UNC79: variants seen among roughly 807,000 people sequenced by gnomAD.
UNC79 encodes unc-79 subunit of NALCN channel complex, also known as protein unc-79 homolog.
Under a neutral mutation model 283.1 loss-of-function variants are expected in UNC79, and 37 were observed. The observed-to-expected ratio is 0.13, with a 90% confidence interval of 0.10 to 0.17. UNC79 has a LOEUF of 0.17. UNC79 is among the 10% of genes least tolerant of loss of function. The pLI, the probability that UNC79 is intolerant of heterozygous loss-of-function variation, is 1.00. For synonymous variants in UNC79, 1,107 were observed against 1,200.2 expected (o/e 0.92, Z 1.61); for missense variants, 2,272 against 3,211.1 (o/e 0.71, Z 7.07).
At chr14:93,349,767 A>G (rs999037166) in intron 1 of UNC79, among the ~76,000 whole-genome samples, 1 of 152,238 alleles carries the variant, frequency 6.6e-6, no homozygotes, top group Non-Finnish European at 1.5e-5. Context: ...CAATAAAAAC[A>G]GCTGAGGCTT....
Position 93,402,397 on chromosome 14 carries a change from CTAAAG to C in UNC79, c.-350-65271_-350-65267del, listed in dbSNP as rs893175301. On this transcript the variant is annotated intron_variant, in intron 1 of 49. Transcript: ENST00000256339. ...AAACAAACTGTCAAAAACCCTAAAA[CTAAAG>C]TATATTTGGTATTGAATGAAGGAAT... Among the ~76,000 whole-genome samples, 147 of 143,982 alleles carry C rather than the reference CTAAAG, an allele frequency of 1.0e-3. 1 individual carries two copies. The highest frequency in any genetic ancestry group is 3.5e-3 in the African/African-American group (138 of 39,004). 94.5% of individuals were successfully genotyped at this position (143,982 alleles called of 152,430 possible). A position where few individuals can be genotyped will look rare whatever the true frequency, so the allele number is the denominator to read the frequency against.
chr14:93,686,770 C>A, intron 43 of UNC79, 109 bp downstream of exon 46: 3 of 1,223,838 alleles, frequency 2.5e-6, no homozygotes, highest in Admixed American at 2.0e-5. Context: ...GCAGCCGTGG[C>A]ACTGTTGAAT....
At chr14:93,662,405 G>C (rs2071693611) in intron 39 of UNC79, among the ~76,000 whole-genome samples, 199 bp from the exon 43 acceptor site, 1 of 152,072 alleles carries the variant, frequency 6.6e-6, no homozygotes, top group South Asian at 2.1e-4. Flanking sequence ...AAATGATTTG[G>C]TCCTGCTCTT....
At chr14:93,352,647 T>G (rs2054000780) in intron 1 of UNC79, among the ~76,000 whole-genome samples, 1 of 152,236 alleles carries the variant, frequency 6.6e-6, no homozygotes, top group Non-Finnish European at 1.5e-5. Flanking sequence ...TAATGAATAC[T>G]GAACTCCTAG....
chr14:93,462,210 G>A (rs1172175986), intron 1 of UNC79, among the ~76,000 whole-genome samples: 1 of 152,202 alleles, frequency 6.6e-6, no homozygotes, highest in Non-Finnish European at 1.5e-5. Context: ...CAGGGCTCAG[G>A]CAGGAGAATC....
At chr14:93,333,947 C>G (rs1352379310) in intron 1 of UNC79, among the ~76,000 whole-genome samples, 1 of 151,136 alleles carries the variant, frequency 6.6e-6, no homozygotes. Flanking sequence ...GAGGAGGCAC[C>G]GTTACACCTC....
Position 93,640,714 on chromosome 14 carries a change from C to G in UNC79, c.5801-431C>G, listed in dbSNP as rs140032166. On this transcript the variant is annotated intron_variant, in intron 32 of 48. Transcript: ENST00000555664. ...GGAGTTCTGGGATCTTACCACCTTCCCATATTAGCAAAACTGTAATGTTGA... is the reference window on the plus strand; with the variant it reads ...GGAGTTCTGGGATCTTACCACCTTCGCATATTAGCAAAACTGTAATGTTGA... 2.6e-3 allele frequency among the ~76,000 whole-genome samples: 399 copies of G among 152,286 alleles called. 1 individual carries two copies. The highest frequency in any genetic ancestry group is 9.2e-3 in the African/African-American group (381 of 41,558).
chr14:93,663,044 T>A (rs1236631058), intron 40 of UNC79, among the ~76,000 whole-genome samples: 1 of 152,174 alleles, frequency 6.6e-6, no homozygotes, highest in African/African-American at 2.4e-5. Context: ...AAGTTCATCA[T>A]CCCATGATTA....
intron 7 of UNC79, among the ~76,000 whole-genome samples, chr14:93,515,573 T>G (rs1435600567): frequency 6.6e-6 from 1 of 152,148 alleles, no homozygotes; most frequent in African/African-American, 2.4e-5. Flanking sequence ...TGAAAGGGTA[T>G]AATTCTTAGG....
In UNC79 at chr14:93,549,514, A is replaced by C. The variant is rs115812456; in HGVS notation, c.1755+6818A>C. 4.7e-3 allele frequency among the ~76,000 whole-genome samples: 716 copies of C among 152,350 alleles called. 5 individuals carry two copies. Among genetic ancestry groups the C allele is most frequent in the African/African-American group, 0.016 (679 of 41,586 alleles). On this transcript the variant is annotated intron_variant, in intron 14 of 48. Coordinates refer to ENST00000555664, the Ensembl canonical transcript of UNC79. ...ACGTACACCTGAAAGCATTTGGGTT[A>C]GTTCCTATATTTCTGAGAGTTTTAG...
At chr14:93,597,414 C>G in exon 24 of UNC79, 1 of 1,614,194 alleles carries the variant, frequency 6.2e-7, no homozygotes, top group Non-Finnish European at 8.5e-7. Context: ...TAACCAAAAA[C>G]CACCTGCTGA....
chr14:93,608,585 C>T (rs2139687394), intron 26 of UNC79, among the ~76,000 whole-genome samples: 1 of 152,268 alleles, frequency 6.6e-6, no homozygotes, highest in South Asian at 2.1e-4. Context: ...GGGAGATGAG[C>T]GAGGCAGTGT....
exon 12 of UNC79, chr14:93,538,090 C>T (rs2061173344): frequency 2.5e-6 from 4 of 1,614,124 alleles, no homozygotes; most frequent in Non-Finnish European, 3.4e-6. Flanking sequence ...AGAGGTGCCA[C>T]TCAAATCATC....
At chr14:93,371,623 G>T (rs553896323) in intron 1 of UNC79, among the ~76,000 whole-genome samples, 1 of 151,790 alleles carries the variant, frequency 6.6e-6, no homozygotes, top group East Asian at 1.9e-4. Flanking sequence ...GGTGGATCAC[G>T]AGGTCAGGAG....
intron 26 of UNC79, chr14:93,604,915 T>C (rs889902173): frequency 1.3e-6 from 2 of 1,586,638 alleles, no homozygotes; most frequent in Non-Finnish European, 1.7e-6. Flanking sequence ...TGACCAGGCA[T>C]GAGCAGTCTG....
chr14:93,673,731 A>G (rs1342447900), intron 41 of UNC79, among the ~76,000 whole-genome samples: 1 of 152,104 alleles, frequency 6.6e-6, no homozygotes, highest in African/African-American at 2.4e-5. Flanking sequence ...TCCCCAAGAA[A>G]TGCGTGATCC....
At chr14:93,684,164 A>G (rs1013380410) in intron 42 of UNC79, among the ~76,000 whole-genome samples, 6 of 152,194 alleles carry the variant, frequency 3.9e-5, no homozygotes, top group Non-Finnish European at 8.8e-5. Flanking sequence ...ACTTTGCATA[A>G]TTGAAGCCTT....
intron 1 of UNC79, among the ~76,000 whole-genome samples, chr14:93,466,453 A>G (rs2057186993): frequency 6.6e-6 from 1 of 152,222 alleles, no homozygotes; most frequent in African/African-American, 2.4e-5. Flanking sequence ...TCTAAGTACT[A>G]GTCTGGCTCT....
intron 27 of UNC79, among the ~76,000 whole-genome samples, chr14:93,615,720 CAAAAAAAAAAAAAAA>C (rs1158073507): frequency 5.2e-4 from 12 of 23,294 alleles, no homozygotes; most frequent in Non-Finnish European, 1.1e-3. Flanking sequence ...GACTCCATCT[CAAAAAAAAAAAAAAA>C]AAAAAAAAAA....
Sources: gnomAD v4.1 joint callset for allele counts (sites outside exome capture counted in the v4.1 genomes callset) on GRCh38, gnomAD v4.1.1 for gene constraint, MANE v1.5 for transcripts, NCBI Gene and HGNC (gene_info 2026-07-23, HGNC 2026-07-21) for gene names.